DBNL: variants seen among roughly 807,000 people sequenced by gnomAD.
DBNL encodes drebrin-like protein.
Under a neutral mutation model 62.2 loss-of-function variants are expected in DBNL, and 35 were observed. The ratio of observed to expected loss-of-function variants is 0.56; its 90% CI spans 0.43 to 0.75. The LOEUF is 0.75. DBNL is among the 30% of genes least tolerant of loss of function. The probability of loss-of-function intolerance (pLI) is 0.00; values close to 1 mark genes in which losing one functional copy is unlikely to be tolerated. For missense variants in DBNL, 495 were observed against 578.4 expected, an observed-to-expected ratio of 0.86 and a Z score of 1.48; for synonymous variants, 197 against 218.0, an observed-to-expected ratio of 0.90 and a Z score of 0.85.
At position 44,062,706 on chromosome 7, in the gene DBNL, C is replaced by T. The variant is rs76119752; in HGVS notation, c.*1790C>T. 5.3e-3 allele frequency: 8,267 copies of T among 1,573,928 alleles called. 388 individuals carry two copies. In the African/African-American group the frequency reaches 0.098, roughly 19 times the overall value. On this transcript the variant is annotated 3_prime_UTR_variant, in exon 13 of 13. Coordinates refer to ENST00000448521, the MANE Select transcript of DBNL (RefSeq NM_001014436.3). ...GATGGCGGTGTGAGCCTGGCATGCA[C>T]GGCTGCGCTGGACTCCAGGCTGTTG...
chr7:44,060,352 C>T lies in DBNL; in HGVS notation c.1153+199C>T, dbSNP rs1411584218. ...AGAGTGTTCTGCACAGCCCAGGCCTCCCTACATGTTCCTCATTAGCTATTT... is the reference window on the plus strand; with the variant it reads ...AGAGTGTTCTGCACAGCCCAGGCCTTCCTACATGTTCCTCATTAGCTATTT... On this transcript the variant is annotated intron_variant, in intron 12 of 12. Transcript: ENST00000448521. The surrounding 1 kb of genome is among the most constrained non-coding windows in gnomAD (Gnocchi z 6.3). 6.6e-6 allele frequency among the ~76,000 whole-genome samples: 1 copy of T among 152,102 alleles called. No homozygotes were observed. The highest frequency in any genetic ancestry group is 2.4e-5 in the African/African-American group (1 of 41,402).
Position 44,059,089 on chromosome 7 carries a change from G to A in DBNL, c.835+106G>A. 1 of 1,242,282 alleles carries A rather than the reference G, an allele frequency of 8.0e-7. No homozygotes were observed. The highest frequency in any genetic ancestry group is 1.1e-6 in the Non-Finnish European group (1 of 874,810). The allele number at this position is 1,242,282 out of a possible 1,614,324, so 77.0% of individuals were successfully genotyped here. A position where few individuals can be genotyped will look rare whatever the true frequency, so the allele number is the denominator to read the frequency against. ...GCTAGTGACAGATATATCGGTGACGGGTGAGTGAGTGAGGAGAAGGGACAC... is the reference window on the plus strand; with the variant it reads ...GCTAGTGACAGATATATCGGTGACGAGTGAGTGAGTGAGGAGAAGGGACAC... On this transcript the variant is annotated intron_variant, in intron 9 of 12. Coordinates refer to ENST00000448521, the MANE Select transcript of DBNL (RefSeq NM_001014436.3). This position sits in a 1 kb window ranked among gnomAD's most constrained non-coding sequence, Gnocchi z 4.1.
In DBNL at chr7:44,044,735, G is replaced by T. The variant is rs1554305397; in HGVS notation, c.-3G>T. The T allele has an allele frequency of 2.0e-6, 3 of 1,504,466 alleles. No homozygotes were observed. The highest frequency in any genetic ancestry group is 2.5e-5 in the South Asian group (2 of 81,560). The allele number at this position is 1,504,466 out of a possible 1,614,324, so 93.2% of individuals were successfully genotyped here. On this transcript the variant is annotated 5_prime_UTR_variant, in exon 1 of 13. Transcript: ENST00000448521. ...CAGCGGCGCGGAGACTGCGGGGCGG[G>T]CCATGGCGGCGAACCTGAGCCGGAA...
At position 44,059,779 on chromosome 7, in the gene DBNL, C is replaced by A; in HGVS notation, c.1047+121C>A. ...TTTTAAAGCACATGCATTTTTGGAG[C>A]AGCCCTGTGTTATAAATTGTCAGGG... On this transcript the variant is annotated intron_variant, in intron 11 of 12. Transcript: ENST00000448521. The surrounding 1 kb of genome is among the most constrained non-coding windows in gnomAD (Gnocchi z 4.1). The A allele has an allele frequency of 9.7e-7, 1 of 1,026,274 alleles. No homozygotes were observed. The highest frequency in any genetic ancestry group is 1.4e-6 in the Non-Finnish European group (1 of 710,248). The allele number at this position is 1,026,274 out of a possible 1,614,324, so 63.6% of individuals were successfully genotyped here.
At position 44,061,835 on chromosome 7, in the gene DBNL, G is replaced by C. The variant is rs1585998600; in HGVS notation, c.*919G>C. 6.6e-6 allele frequency: 1 copy of C among 152,422 alleles called. No individual in the cohort carries two copies. The highest frequency in any genetic ancestry group is 1.9e-4 in the East Asian group (1 of 5,188). 9.4% of individuals were successfully genotyped at this position (152,422 alleles called of 1,614,324 possible). ...GTGTCTGCCTCTGCTCCGTGTCTGG[G>C]GTGAGCACCCTCACCCTGAGACTGT... On this transcript the variant is annotated 3_prime_UTR_variant, in exon 13 of 13. Coordinates refer to ENST00000448521, the MANE Select transcript of DBNL (RefSeq NM_001014436.3).
At position 44,055,589 on chromosome 7, in the gene DBNL, A is replaced by G. The variant is rs1031812939; in HGVS notation, c.328-1168A>G. Among the ~76,000 whole-genome samples, 49 of 152,176 alleles carry G rather than the reference A, an allele frequency of 3.2e-4. 1 individual carries two copies. The highest frequency in any genetic ancestry group is 2.3e-3 in the Admixed American group (35 of 15,278). ...CTAGCATTTATTTTTTATGTTTTTT[A>G]TAATAGCCATTCTAACTGTGGTGAG... On this transcript the variant is annotated intron_variant, in intron 4 of 12. Transcript: ENST00000448521.
chr7:44,069,394 A>G lies in DBNL; in HGVS notation c.*8478A>G, dbSNP rs1586004553. ...GATGGTAGTGAGGTTTCTACATGCT[A>G]CTTGAAATGGCAAAACATTAATCTA... On this transcript the variant is annotated 3_prime_UTR_variant, in exon 13 of 13. Coordinates refer to ENST00000448521, the MANE Select transcript of DBNL (RefSeq NM_001014436.3). 6.6e-6 allele frequency: 1 copy of G among 152,232 alleles called. No homozygotes were observed. Among genetic ancestry groups the G allele is most frequent in the East Asian group, 1.9e-4 (1 of 5,200 alleles). 9.4% of individuals were successfully genotyped at this position (152,232 alleles called of 1,614,324 possible). A position where few individuals can be genotyped will look rare whatever the true frequency, so the allele number is the denominator to read the frequency against.
At position 44,065,388 on chromosome 7, in the gene DBNL, C is replaced by T; in HGVS notation, c.*4472C>T. ...TAGCAGATGTCAAACTCCATCTTGG[C>T]ATCCTTGATGGCCTTGGCTCCCCGC... is the stretch of plus-strand genomic sequence containing the variant. On this transcript the variant is annotated 3_prime_UTR_variant, in exon 13 of 13. Coordinates refer to ENST00000448521, the MANE Select transcript of DBNL (RefSeq NM_001014436.3). 1 of 1,614,098 alleles carries T rather than the reference C, an allele frequency of 6.2e-7. No homozygotes were observed. The highest frequency in any genetic ancestry group is 1.3e-5 in the African/African-American group (1 of 75,072).
chr7:44,051,746 C>A (rs1473255371), intron 2 of DBNL, 84 bp from the exon 3 acceptor site: 3 of 1,282,980 alleles, frequency 2.3e-6, no homozygotes, highest in African/African-American at 2.9e-5. Context: ...GGTTTAGAAG[C>A]AGCTCGGCCT....
intron 6 of DBNL, 66 bp from the exon 7 acceptor site, chr7:44,058,063 G>T (rs1297076688): frequency 1.3e-6 from 2 of 1,539,096 alleles, no homozygotes; most frequent in East Asian, 4.9e-5. Flanking sequence ...CTAAAACTCA[G>T]TCCTGGGCAG....
chr7:44,066,628 A>C lies in DBNL; in HGVS notation c.*5712A>C, dbSNP rs933641679. 2.4e-4 allele frequency: 36 copies of C among 152,284 alleles called. No individual in the cohort carries two copies. The highest frequency in any genetic ancestry group is 8.4e-4 in the African/African-American group (35 of 41,454). The allele number at this position is 152,284 out of a possible 1,614,324, so 9.4% of individuals were successfully genotyped here. A position where few individuals can be genotyped will look rare whatever the true frequency, so the allele number is the denominator to read the frequency against. The stretch of plus-strand genomic sequence containing the variant: ...GGCCAGCAGAGGGACCACCACTCTG[A>C]GACTTGGATCTGAGTGTGCAAGAAA... On this transcript the variant is annotated 3_prime_UTR_variant, in exon 13 of 13. Coordinates refer to ENST00000448521, the MANE Select transcript of DBNL (RefSeq NM_001014436.3).
In DBNL at chr7:44,058,911, G is replaced by C; in HGVS notation, c.763G>C (p.Val255Leu). The C allele has an allele frequency of 6.2e-7, 1 of 1,613,802 alleles. No homozygotes were observed. The highest frequency in any genetic ancestry group is 1.1e-5 in the South Asian group (1 of 91,066). The change falls in exon 9 of 13, where the codon GTG becomes CTG. Residue 255 changes from valine to leucine, a missense_variant. By Grantham distance (32) the Val-to-Leu change is conservative. Transcript: ENST00000448521. The stretch of plus-strand genomic sequence containing the variant: ...ATGTGCTTCCCTCCAGGAGTCTGCC[G>C]TGCACCCGAGGGAGATTTTCAAGCA... ...SRNRNEQESA[V>L]HPREIFKQKE...
Position 44,059,246 on chromosome 7 carries a change from C to G in DBNL, c.836-108C>G. ...GCCTCTGTTCCTGCACTAGCAAGAGCAAGCCCCATGAGACTGCCTCGAGCA... is the reference window on the plus strand; with the variant it reads ...GCCTCTGTTCCTGCACTAGCAAGAGGAAGCCCCATGAGACTGCCTCGAGCA... On this transcript the variant is annotated intron_variant, in intron 9 of 12. Coordinates refer to ENST00000448521, the MANE Select transcript of DBNL (RefSeq NM_001014436.3). This position sits in a 1 kb window ranked among gnomAD's most constrained non-coding sequence, Gnocchi z 4.1. 8.5e-7 allele frequency: 1 copy of G among 1,173,306 alleles called. No individual in the cohort carries two copies. Among genetic ancestry groups the G allele is most frequent in the Non-Finnish European group, 1.2e-6 (1 of 823,184 alleles). 72.7% of individuals were successfully genotyped at this position (1,173,306 alleles called of 1,614,324 possible). A position where few individuals can be genotyped will look rare whatever the true frequency, so the allele number is the denominator to read the frequency against.
Position 44,064,799 on chromosome 7 carries a change from C to T in DBNL, c.*3883C>T, listed in dbSNP as rs1280037026. 10 of 1,212,902 alleles carry T rather than the reference C, an allele frequency of 8.2e-6. No individual in the cohort carries two copies. The South Asian group carries it at 8.9e-5, about 11-fold the overall frequency. 75.1% of individuals were successfully genotyped at this position (1,212,902 alleles called of 1,614,324 possible). On this transcript the variant is annotated 3_prime_UTR_variant, in exon 13 of 13. Coordinates refer to ENST00000448521, the MANE Select transcript of DBNL (RefSeq NM_001014436.3). ...GAAGCCAGCTGGGGCTGCTGCCCAC[C>T]CACCCTGCCCAGGCTCCTGAAGGTG...
chr7:44,065,613 C>T lies in DBNL; in HGVS notation c.*4697C>T, dbSNP rs1046031213. On this transcript the variant is annotated 3_prime_UTR_variant, in exon 13 of 13. Transcript: ENST00000448521. ...AGCTTTATAATAGTGTCTTCCCAGC[C>T]CCCACCCACCCCAGCCAACTGCCAA... 4 of 1,317,920 alleles carry T rather than the reference C, an allele frequency of 3.0e-6. No homozygotes were observed. The East Asian group carries it at 6.9e-5, about 23-fold the overall frequency. The allele number at this position is 1,317,920 out of a possible 1,614,324, so 81.6% of individuals were successfully genotyped here.
chr7:44,058,838 G>C (rs767084129), intron 8 of DBNL, 64 bp from the exon 9 acceptor site: 2 of 1,597,828 alleles, frequency 1.3e-6, no homozygotes. Context: ...TGGAGGGGCT[G>C]TGATCTGGGG....
At chr7:44,055,841 T>C (rs1405048797) in intron 4 of DBNL, among the ~76,000 whole-genome samples, 4 of 152,252 alleles carry the variant, frequency 2.6e-5, no homozygotes. Flanking sequence ...TTGAAGATAT[T>C]TTCTCCCATT....
Position 44,064,597 on chromosome 7 carries a change from G to T in DBNL, c.*3681G>T. The T allele has an allele frequency of 1.8e-6, 1 of 566,688 alleles. No homozygotes were observed. The highest frequency in any genetic ancestry group is 2.0e-5 in the South Asian group (1 of 49,990). 35.1% of individuals were successfully genotyped at this position (566,688 alleles called of 1,614,324 possible). ...CCACCTTTGGAGCCTGCCCCACCTC[G>T]GGACACAGCGAGCTTCGAGTGCAGT... is the stretch of plus-strand genomic sequence containing the variant. On this transcript the variant is annotated 3_prime_UTR_variant, in exon 13 of 13. Coordinates refer to ENST00000448521, the MANE Select transcript of DBNL (RefSeq NM_001014436.3).
intron 2 of DBNL, 164 bp downstream of exon 2, chr7:44,050,444 AT>A (rs1369656017): frequency 3.1e-6 from 2 of 635,358 alleles, no homozygotes; most frequent in African/African-American, 3.7e-5. Context: ...AAGTGAAAAC[AT>A]TCCTCCTTGG....
Sources: allele counts gnomAD v4.1 joint callset (sites outside exome capture counted in the v4.1 genomes callset), GRCh38; gene constraint gnomAD v4.1.1; non-coding constraint Gnocchi (gnomAD v3.1); transcripts MANE v1.5; gene names NCBI Gene and HGNC (gene_info 2026-07-23, HGNC 2026-07-21).